ELP4: variants seen among roughly 807,000 people sequenced by gnomAD.
The protein encoded by ELP4 is elongator acetyltransferase complex subunit 4, also known as elongator complex protein 4.
ELP4 carries 51 observed loss-of-function variants against 48.9 expected under a neutral mutation model. The observed-to-expected ratio is 1.04, with a 90% CI of 0.83 to 1.32. The LOEUF (loss-of-function observed/expected upper bound fraction) is 1.32. Among genes scored for constraint, ELP4 ranks in the 40% most tolerant of loss-of-function variants. The pLI is 0.00. For missense variants in ELP4, 519 were observed against 514.6 expected (o/e 1.01, Z -0.08); for synonymous variants, 210 against 189.2 (o/e 1.11, Z -0.90).
At chr11:31,616,423 AT>A (rs1944485267) in intron 5 of ELP4, among the ~76,000 whole-genome samples, 1 of 152,086 alleles carries the variant, frequency 6.6e-6, no homozygotes, top group Admixed American at 6.6e-5. Flanking sequence ...ATATGCAAAA[AT>A]TAAAATGGAT....
At chr11:31,765,626 T>C (rs1948026181) in intron 9 of ELP4, among the ~76,000 whole-genome samples, 2 of 152,096 alleles carry the variant, frequency 1.3e-5, no homozygotes, top group Admixed American at 1.3e-4. Context: ...AACGAAAGAA[T>C]TTAAGACTTC....
At chr11:31,595,266 C>T (rs773645862) in intron 4 of ELP4, among the ~76,000 whole-genome samples, 1 of 152,116 alleles carries the variant, frequency 6.6e-6, no homozygotes, top group Non-Finnish European at 1.5e-5. Context: ...TCAATCATTA[C>T]ATTTTCAAAC....
At chr11:31,681,304 G>C (rs1341623828) in intron 9 of ELP4, among the ~76,000 whole-genome samples, 2 of 152,070 alleles carry the variant, frequency 1.3e-5, no homozygotes, top group Non-Finnish European at 2.9e-5. Context: ...GCAAAAACAG[G>C]GTTTGATTTG....
chr11:31,638,957 A>G (rs140923760), intron 7 of ELP4, among the ~76,000 whole-genome samples: 2 of 152,020 alleles, frequency 1.3e-5, no homozygotes, highest in East Asian at 3.9e-4. Flanking sequence ...ACAGCTATAA[A>G]TTTTGGGAAA....
chr11:31,662,407 G>T (rs576657232), intron 9 of ELP4: 149 of 393,540 alleles, frequency 3.8e-4, no homozygotes, highest in Middle Eastern at 1.9e-3. Context: ...TAGAACATGT[G>T]ATTAGCAAAC....
At chr11:31,566,916 G>A (rs886326184) in intron 3 of ELP4, among the ~76,000 whole-genome samples, 1 of 152,102 alleles carries the variant, frequency 6.6e-6, no homozygotes, top group African/African-American at 2.4e-5. Context: ...GATTACTACT[G>A]TTCTAAATCA....
intron 9 of ELP4, among the ~76,000 whole-genome samples, chr11:31,760,087 G>T (rs1947913246): frequency 6.6e-6 from 1 of 152,162 alleles, no homozygotes; most frequent in South Asian, 2.1e-4. Flanking sequence ...TGATGAGCCT[G>T]ACTACCATAA....
chr11:31,739,196 T>C (rs1947392854), intron 9 of ELP4, among the ~76,000 whole-genome samples: 1 of 152,178 alleles, frequency 6.6e-6, no homozygotes, highest in Non-Finnish European at 1.5e-5. Context: ...ACAAAACCAA[T>C]AAAAGTGTAG....
chr11:31,743,627 C>A (rs1163579433), intron 9 of ELP4, among the ~76,000 whole-genome samples: 1 of 152,112 alleles, frequency 6.6e-6, no homozygotes, highest in Non-Finnish European at 1.5e-5. Flanking sequence ...GGAAACTGAA[C>A]AACCTGCTCC....
chr11:31,539,544 C>T (rs1956559879), intron 2 of ELP4, 118 bp from the exon 3 acceptor site: 4 of 1,007,272 alleles, frequency 4.0e-6, no homozygotes, highest in South Asian at 3.9e-5. Flanking sequence ...TTTGTTCCAC[C>T]TCATATACTT....
intron 3 of ELP4, among the ~76,000 whole-genome samples, chr11:31,583,596 C>T (rs932173616): frequency 1.3e-5 from 2 of 151,978 alleles, no homozygotes; most frequent in African/African-American, 4.8e-5. Context: ...AGCGAGACTC[C>T]AACTCAAAAA....
At chr11:31,757,822 C>T (rs1947862622) in intron 9 of ELP4, among the ~76,000 whole-genome samples, 1 of 152,122 alleles carries the variant, frequency 6.6e-6, no homozygotes, top group Non-Finnish European at 1.5e-5. Flanking sequence ...AAAAATGGCT[C>T]ATAGAAGTGG....
At chr11:31,545,382 C>T (rs1956682528) in intron 3 of ELP4, among the ~76,000 whole-genome samples, 1 of 151,954 alleles carries the variant, frequency 6.6e-6, no homozygotes, top group Non-Finnish European at 1.5e-5. Flanking sequence ...GAAAGGGTAT[C>T]AGCGATGGAA....
At chr11:31,609,309 AAAGACTTTGAAAGCCAGGTTG>A in intron 5 of ELP4, among the ~76,000 whole-genome samples, 1 of 152,100 alleles carries the variant, frequency 6.6e-6, no homozygotes, top group East Asian at 1.9e-4. Context: ...CCCTATTATT[AAAGACTTTGAAAGCCAGGTTG>A]AGAAGGTCTT....
intron 9 of ELP4, among the ~76,000 whole-genome samples, chr11:31,766,874 AAGCT>A (rs1344169018): frequency 6.6e-6 from 1 of 152,132 alleles, no homozygotes; most frequent in Non-Finnish European, 1.5e-5. Flanking sequence ...TTTAGCACAT[AAGCT>A]ATCTTAATGA....
At chr11:31,613,687 A>G (rs1277540052) in intron 5 of ELP4, among the ~76,000 whole-genome samples, 1 of 148,008 alleles carries the variant, frequency 6.8e-6, no homozygotes, top group African/African-American at 2.5e-5. Flanking sequence ...TATGTTTTAT[A>G]CGTTTGAATT....
intron 9 of ELP4, among the ~76,000 whole-genome samples, chr11:31,696,338 A>G (rs1946406127): frequency 6.6e-6 from 1 of 152,108 alleles, no homozygotes; most frequent in African/African-American, 2.4e-5. Context: ...CACTGCTTTA[A>G]ATGTGTCCCA....
At position 31,636,313 on chromosome 11, in the gene ELP4, T is replaced by C. The variant is rs181709280; in HGVS notation, c.927+3908T>C. Among the ~76,000 whole-genome samples the C allele has an allele frequency of 2.0e-3, 306 of 152,098 alleles. 1 individual carries two copies. The highest frequency in any genetic ancestry group is 7.0e-3 in the African/African-American group (291 of 41,540). ...AATGTAGTTGGATATCCTTGAAAAT[T>C]TTATCATACATATAGTTGGGTATGT... On this transcript the variant is annotated intron_variant, in intron 7 of 9. Coordinates refer to ENST00000640961, the MANE Select transcript of ELP4 (RefSeq NM_019040.5).
At chr11:31,734,800 A>C (rs931719221) in intron 9 of ELP4, among the ~76,000 whole-genome samples, 1 of 152,254 alleles carries the variant, frequency 6.6e-6, no homozygotes, top group African/African-American at 2.4e-5. Context: ...AGAACAATCT[A>C]CACGTTCAAT....
Sources: allele counts gnomAD v4.1 joint callset (sites outside exome capture counted in the v4.1 genomes callset), GRCh38; gene constraint gnomAD v4.1.1; transcripts MANE v1.5; gene names NCBI Gene and HGNC (gene_info 2026-07-23, HGNC 2026-07-21).